The following ADGRV1 variants were observed in gnomAD, a reference collection of about 807,000 sequenced individuals.
The protein encoded by ADGRV1 is adhesion G protein-coupled receptor V1, also known as G-protein coupled receptor 98.
A neutral mutation model predicts 596.2 loss-of-function variants in ADGRV1; 359 were observed. That is an observed-to-expected ratio of 0.60 (90% CI 0.55 to 0.66). The LOEUF is 0.66. Ranked by LOEUF, ADGRV1 falls within the 30% of genes least tolerant of loss-of-function variation. The pLI is 0.00. For synonymous variants in ADGRV1, 2,681 were observed against 2,679.2 expected, an observed-to-expected ratio of 1.00 and a Z score of -0.02; for missense variants, 7,274 against 7,575.6, an observed-to-expected ratio of 0.96 and a Z score of 1.48.
At chr5:90,708,987 A>T (rs1748974474) in intron 39 of ADGRV1, 78 bp downstream of exon 39, 9 of 947,768 alleles carry the variant, frequency 9.5e-6, no homozygotes, top group Middle Eastern at 4.3e-4. Flanking sequence ...ATCAGAAGTG[A>T]TCATTGTGCT....
chr5:90,595,556 G>C, intron 1 of ADGRV1, among the ~76,000 whole-genome samples: 1 of 121,706 alleles, frequency 8.2e-6, no homozygotes, highest in East Asian at 2.5e-4. Context: ...GGCTGGCCGG[G>C]CGGGGGGCTG....
chr5:90,748,420 A>G (rs1374897870), intron 52 of ADGRV1, among the ~76,000 whole-genome samples: 1 of 152,152 alleles, frequency 6.6e-6, no homozygotes, highest in Non-Finnish European at 1.5e-5. Flanking sequence ...TTTTTTCAAC[A>G]TACAATCAAC....
chr5:91,014,136 C>CCTCACACACACACACACACACACACA (rs757029909), intron 85 of ADGRV1, among the ~76,000 whole-genome samples: 1 of 35,638 alleles, frequency 2.8e-5, no homozygotes, highest in Non-Finnish European at 6.5e-5. Flanking sequence ...TTCACAATTG[C>CCTCACACACACACACACACACACACA]CACACACACA....
intron 89 of ADGRV1, among the ~76,000 whole-genome samples, chr5:91,156,245 AG>A (rs1245161140): frequency 3.9e-4 from 59 of 152,302 alleles, no homozygotes; most frequent in Non-Finnish European, 3.4e-4. Context: ...AGGAGAGAGA[AG>A]AAAGGAAAAG....
intron 83 of ADGRV1, among the ~76,000 whole-genome samples, chr5:90,958,687 G>A (rs1777720722): frequency 1.3e-5 from 2 of 152,240 alleles, no homozygotes; most frequent in South Asian, 2.1e-4. Flanking sequence ...GTGCATGTGC[G>A]TGTCTGTGTC....
At chr5:90,691,071 C>T (rs749719315) in intron 31 of ADGRV1, 30 bp downstream of exon 31, 33 of 1,612,842 alleles carry the variant, frequency 2.0e-5, no homozygotes, top group Non-Finnish European at 1.8e-5. Flanking sequence ...TAGAATGACA[C>T]TGTAAATCAT....
intron 85 of ADGRV1, among the ~76,000 whole-genome samples, chr5:91,016,126 AT>A (rs1164753372): frequency 6.6e-5 from 10 of 151,994 alleles, no homozygotes; most frequent in African/African-American, 2.2e-4. Flanking sequence ...AGGAAGCTTA[AT>A]TTGGCTGGAT....
intron 86 of ADGRV1, among the ~76,000 whole-genome samples, chr5:91,094,198 G>T (rs978155767): frequency 6.6e-6 from 1 of 151,982 alleles, no homozygotes; most frequent in Non-Finnish European, 1.5e-5. Context: ...AGTGGCTCAC[G>T]CCTATAAACC....
chr5:90,816,380 ATTT>A (rs138496206), intron 75 of ADGRV1, among the ~76,000 whole-genome samples: 3,224 of 150,176 alleles, frequency 0.021, 130 homozygotes, highest in African/African-American at 0.075. Context: ...TTTTTTTTAA[ATTT>A]TATTATTATT....
chr5:91,062,430 TG>T (rs1433462469), intron 85 of ADGRV1, among the ~76,000 whole-genome samples: 9 of 152,002 alleles, frequency 5.9e-5, no homozygotes, highest in African/African-American at 1.7e-4. Flanking sequence ...GCTGGGAGAG[TG>T]GGGGTGGAGG....
At chr5:90,569,387 ATT>A (rs869133714) in intron 1 of ADGRV1, among the ~76,000 whole-genome samples, 23 of 16,318 alleles carry the variant, frequency 1.4e-3, no homozygotes, top group Non-Finnish European at 2.0e-3. Context: ...ATATATATAT[ATT>A]TTTTTTTTTT....
intron 50 of ADGRV1, among the ~76,000 whole-genome samples, chr5:90,744,280 C>T (rs937525592): frequency 6.6e-6 from 1 of 152,154 alleles, no homozygotes; most frequent in South Asian, 2.1e-4. Context: ...CTGCACCCAG[C>T]CTTGCTTTGA....
At chr5:90,763,936 A>T (rs993811558) in intron 59 of ADGRV1, among the ~76,000 whole-genome samples, 4 of 152,198 alleles carry the variant, frequency 2.6e-5, no homozygotes, top group Non-Finnish European at 2.9e-5. Flanking sequence ...GTTGATGGAC[A>T]CTAAAGTTGA....
chr5:90,995,612 GT>G (rs946054744), intron 85 of ADGRV1, among the ~76,000 whole-genome samples: 1 of 152,174 alleles, frequency 6.6e-6, no homozygotes, highest in Non-Finnish European at 1.5e-5. Flanking sequence ...ACCTGAAAAG[GT>G]GGAAGCAACT....
chr5:90,601,196 C>T (rs546492973), intron 1 of ADGRV1, among the ~76,000 whole-genome samples: 2 of 151,518 alleles, frequency 1.3e-5, no homozygotes, highest in East Asian at 1.9e-4. Flanking sequence ...AAGATCACGC[C>T]GTTGCACTCC....
At chr5:90,571,347 C>T (rs154571) in intron 1 of ADGRV1, among the ~76,000 whole-genome samples, 25,405 of 151,834 alleles carry the variant, frequency 0.17, 2,370 homozygotes, top group East Asian at 0.33. Context: ...TCAAAACCAG[C>T]CAGAGGTGAG....
chr5:90,844,802 A>G (rs1581296224), intron 78 of ADGRV1, among the ~76,000 whole-genome samples: 1 of 152,210 alleles, frequency 6.6e-6, no homozygotes, highest in Middle Eastern at 3.4e-3. Flanking sequence ...TATCCTGACA[A>G]CTTCTTAAGT....
At chr5:91,078,209 TATAA>T (rs1283517187) in intron 86 of ADGRV1, among the ~76,000 whole-genome samples, 1 of 152,064 alleles carries the variant, frequency 6.6e-6, no homozygotes, top group Non-Finnish European at 1.5e-5. Flanking sequence ...TTATTATTAT[TATAA>T]AAATTATTGA....
chr5:90,903,115 G>A (rs1408249292), intron 83 of ADGRV1, among the ~76,000 whole-genome samples: 1 of 152,156 alleles, frequency 6.6e-6, no homozygotes, highest in African/African-American at 2.4e-5. Context: ...AACCAAGAAT[G>A]ATTTATTTAC....
Sources: allele counts gnomAD v4.1 joint callset (sites outside exome capture counted in the v4.1 genomes callset), GRCh38; gene constraint gnomAD v4.1.1; transcripts MANE v1.5; gene names NCBI Gene and HGNC (gene_info 2026-07-23, HGNC 2026-07-21).